CTNNA2: variants seen among roughly 807,000 people sequenced by gnomAD.
CTNNA2 encodes catenin alpha 2.
In CTNNA2, 42 loss-of-function variants were observed where a neutral mutation model predicts 101.0. That is an observed-to-expected ratio of 0.42 (90% CI 0.32 to 0.54). The LOEUF (loss-of-function observed/expected upper bound fraction) is 0.54. Ranked by LOEUF, CTNNA2 falls within the 20% of genes least tolerant of loss-of-function variation. The pLI is 0.14. For missense variants in CTNNA2, 871 were observed against 1,223.1 expected (o/e 0.71, Z 4.29); for synonymous variants, 450 against 456.4 (o/e 0.99, Z 0.18).
intron 7 of CTNNA2, among the ~76,000 whole-genome samples, chr2:80,238,741 A>T (rs564318426): frequency 1.4e-4 from 21 of 152,176 alleles, no homozygotes; most frequent in Non-Finnish European, 2.9e-4. Flanking sequence ...GGGGGAAGGG[A>T]CATAGTCATT....
intron 3 of CTNNA2, among the ~76,000 whole-genome samples, chr2:79,769,913 C>T (rs1005924258): frequency 2.0e-5 from 3 of 152,180 alleles, no homozygotes; most frequent in African/African-American, 7.2e-5. Context: ...GGTATCCATT[C>T]ACCAAATGTG....
chr2:79,831,662 C>T (rs1678937473), intron 3 of CTNNA2, among the ~76,000 whole-genome samples: 1 of 150,642 alleles, frequency 6.6e-6, no homozygotes, highest in African/African-American at 2.4e-5. Flanking sequence ...TCAGCTATTT[C>T]CTCATGCCTC....
At chr2:79,332,233 A>G (rs1676889587) in intron 3 of CTNNA2, among the ~76,000 whole-genome samples, 2 of 152,078 alleles carry the variant, frequency 1.3e-5, no homozygotes, top group African/African-American at 4.8e-5. Flanking sequence ...GTATTTATAT[A>G]CATACCAGAA....
At chr2:79,273,105 A>G (rs898133653) in intron 2 of CTNNA2, among the ~76,000 whole-genome samples, 9 of 152,018 alleles carry the variant, frequency 5.9e-5, no homozygotes, top group African/African-American at 2.2e-4. Flanking sequence ...CTCAGCACAA[A>G]GTATTTCTTT....
At chr2:80,626,781 G>A (rs902898308) in intron 18 of CTNNA2, among the ~76,000 whole-genome samples, 7 of 151,936 alleles carry the variant, frequency 4.6e-5, no homozygotes, top group African/African-American at 1.7e-4. Flanking sequence ...TTGTTACATA[G>A]GTATACATAT....
At chr2:79,875,511 G>A (rs1264587703) in intron 6 of CTNNA2, among the ~76,000 whole-genome samples, 1 of 152,116 alleles carries the variant, frequency 6.6e-6, no homozygotes, top group African/African-American at 2.4e-5. Flanking sequence ...TGAATATGTT[G>A]ATGTGAATTT....
At chr2:79,774,564 T>G (rs1176556241) in intron 3 of CTNNA2, among the ~76,000 whole-genome samples, 2 of 152,078 alleles carry the variant, frequency 1.3e-5, no homozygotes, top group Non-Finnish European at 2.9e-5. Flanking sequence ...CCCTGGGTAA[T>G]TGCATGTACA....
intron 8 of CTNNA2, among the ~76,000 whole-genome samples, chr2:80,416,062 G>T (rs1391043698): frequency 6.6e-6 from 1 of 151,930 alleles, no homozygotes; most frequent in Non-Finnish European, 1.5e-5. Flanking sequence ...AGGTGGGGGT[G>T]GTGAAACGGG....
At chr2:80,424,224 G>A (rs577779995) in intron 9 of CTNNA2, among the ~76,000 whole-genome samples, 1 of 152,278 alleles carries the variant, frequency 6.6e-6, no homozygotes, top group African/African-American at 2.4e-5. Flanking sequence ...AAAGTGCTGG[G>A]ATTACAGGCG....
At chr2:80,044,933 T>C (rs1361303211) in intron 7 of CTNNA2, among the ~76,000 whole-genome samples, 1 of 152,128 alleles carries the variant, frequency 6.6e-6, no homozygotes, top group Non-Finnish European at 1.5e-5. Flanking sequence ...ATATGGGGTA[T>C]GGATGCTAAC....
intron 7 of CTNNA2, among the ~76,000 whole-genome samples, chr2:80,022,497 G>A (rs554058873): frequency 2.9e-4 from 44 of 152,272 alleles, no homozygotes; most frequent in Admixed American, 1.7e-3. Context: ...CAGGTGTGGT[G>A]GTTCACCCTT....
chr2:80,434,226 GA>G (rs1281691125), intron 9 of CTNNA2, among the ~76,000 whole-genome samples: 1 of 152,158 alleles, frequency 6.6e-6, no homozygotes, highest in Non-Finnish European at 1.5e-5. Context: ...TAGAAATGAA[GA>G]GAGGTTTTCA....
At chr2:80,208,441 A>T (rs1707668874) in intron 7 of CTNNA2, among the ~76,000 whole-genome samples, 1 of 152,210 alleles carries the variant, frequency 6.6e-6, no homozygotes, top group South Asian at 2.1e-4. Context: ...GCTAACAATT[A>T]TAAGGAAAGA....
chr2:79,367,856 G>A (rs1472032209), intron 3 of CTNNA2, among the ~76,000 whole-genome samples: 1 of 152,190 alleles, frequency 6.6e-6, no homozygotes, highest in Non-Finnish European at 1.5e-5. Context: ...ACTCTGGTGA[G>A]AGAGGTACCA....
At chr2:79,197,767 CT>C (rs1673980485) in intron 1 of CTNNA2, among the ~76,000 whole-genome samples, 1 of 152,068 alleles carries the variant, frequency 6.6e-6, no homozygotes, top group Admixed American at 6.6e-5. Context: ...TTGTCAGGTA[CT>C]TTTTTTGTTG....
intron 7 of CTNNA2, among the ~76,000 whole-genome samples, chr2:79,921,263 CAA>C (rs1461287306): frequency 6.6e-6 from 1 of 152,128 alleles, no homozygotes; most frequent in Non-Finnish European, 1.5e-5. Flanking sequence ...TGTATCAAAT[CAA>C]GAGTTGATTT....
chr2:79,954,645 A>C (rs1044350884), intron 7 of CTNNA2, among the ~76,000 whole-genome samples: 5 of 152,200 alleles, frequency 3.3e-5, no homozygotes, highest in African/African-American at 1.2e-4. Flanking sequence ...GCAGCAATAC[A>C]AATGGAACAA....
In CTNNA2 at chr2:79,851,737, CTTTTTTTTTT is replaced by C. The variant is rs11399192; in HGVS notation, c.299-6263_299-6254del. Among the ~76,000 whole-genome samples the C allele has an allele frequency of 8.3e-3, 721 of 87,182 alleles. 6 individuals are homozygous for C. Among genetic ancestry groups the C allele is most frequent in the African/African-American group, 0.03 (650 of 21,364 alleles). The allele number at this position is 87,182 out of a possible 152,430, so 57.2% of individuals were successfully genotyped here. A position where few individuals can be genotyped will look rare whatever the true frequency, so the allele number is the denominator to read the frequency against. Reference sequence around the variant, plus strand: ...TTTTCTTTTTCATTTTTTTCTTTTCCTTTTTTTTTTTTTTTTTTTTTTGAGACAGAATCTC... The same window carrying C: ...TTTTCTTTTTCATTTTTTTCTTTTCCTTTTTTTTTTTTGAGACAGAATCTC... On this transcript the variant is annotated intron_variant, in intron 3 of 18. Coordinates refer to ENST00000402739, the MANE Select transcript of CTNNA2 (RefSeq NM_001282597.3).
intron 7 of CTNNA2, among the ~76,000 whole-genome samples, chr2:80,032,967 A>G (rs757978556): frequency 1.3e-5 from 2 of 152,110 alleles, no homozygotes; most frequent in East Asian, 3.9e-4. Flanking sequence ...CCTGGCCAGC[A>G]TGGTGAAACC....
Sources: allele counts gnomAD v4.1 joint callset (sites outside exome capture counted in the v4.1 genomes callset), GRCh38; gene constraint gnomAD v4.1.1; transcripts MANE v1.5; gene names NCBI Gene and HGNC (gene_info 2026-07-23, HGNC 2026-07-21).